The following JHY variants were observed in gnomAD, a reference collection of about 807,000 sequenced individuals.
The protein encoded by JHY is junctional cadherin complex regulator.
A neutral mutation model predicts 78.0 loss-of-function variants in JHY; 69 were observed. That is an observed-to-expected ratio of 0.88 (90% CI 0.73 to 1.08). The LOEUF is 1.08. Ranked by LOEUF, JHY falls within the 50% of genes least tolerant of loss-of-function variation. The pLI is 0.00. For missense variants in JHY, 944 were observed against 927.8 expected, an observed-to-expected ratio of 1.02 and a Z score of -0.23; for synonymous variants, 368 against 342.6, an observed-to-expected ratio of 1.07 and a Z score of -0.82.
rs768783808 is a variant in JHY at position 122,956,513 on chromosome 11, T to G, written c.1947T>G (p.Gly649=). The G allele has an allele frequency of 6.2e-7, 1 of 1,613,440 alleles. No homozygotes were observed. Among genetic ancestry groups the G allele is most frequent in the Non-Finnish European group, 8.5e-7 (1 of 1,179,642 alleles). ...ATTTTTAGAACACCAAGCTGAAAGG[T>G]TATCAGAAAAGAGACGTGAAGCTTG... is the stretch of plus-strand genomic sequence containing the variant. The part of the protein sequence containing the change: ...RSSSKNTKLK[G]YQKRDVKLGG... The change falls in exon 7 of 9, where the codon GGT becomes GGG. Residue 649 remains glycine, a synonymous_variant. Coordinates refer to ENST00000227349, the MANE Select transcript of JHY (RefSeq NM_024806.4).
chr11:122,924,463 A>C (rs1175826205), intron 3 of JHY, among the ~76,000 whole-genome samples: 1 of 152,232 alleles, frequency 6.6e-6, no homozygotes, highest in Non-Finnish European at 1.5e-5. Flanking sequence ...CTAAGGGCCT[A>C]GGACAGATGC....
At chr11:122,902,147 A>G (rs1268586809) in intron 2 of JHY, among the ~76,000 whole-genome samples, 1 of 146,702 alleles carries the variant, frequency 6.8e-6, no homozygotes, top group Non-Finnish European at 1.5e-5. Flanking sequence ...AGTGCACTCT[A>G]AAATAATGAT....
At chr11:122,900,780 T>G (rs527463298) in intron 2 of JHY, among the ~76,000 whole-genome samples, 1 of 152,156 alleles carries the variant, frequency 6.6e-6, no homozygotes, top group Non-Finnish European at 1.5e-5. Flanking sequence ...CTGGTCTGAT[T>G]TGAAGCCTCG....
At chr11:122,931,754 A>C (rs2135351209) in intron 4 of JHY, among the ~76,000 whole-genome samples, 1 of 152,320 alleles carries the variant, frequency 6.6e-6, no homozygotes, top group African/African-American at 2.4e-5. Context: ...TTGAGATCAG[A>C]GCAGGCATTG....
intron 6 of JHY, among the ~76,000 whole-genome samples, chr11:122,948,976 C>T (rs1457335823): frequency 1.3e-5 from 2 of 151,346 alleles, no homozygotes; most frequent in Non-Finnish European, 2.9e-5. Context: ...CCCAGCTACT[C>T]GGGAGGCTGA....
chr11:122,939,433 A>C (rs2135362952), intron 5 of JHY, among the ~76,000 whole-genome samples: 1 of 152,302 alleles, frequency 6.6e-6, no homozygotes, highest in Admixed American at 6.5e-5. Context: ...CCTGCTGCTA[A>C]CTTAGATTCC....
intron 5 of JHY, among the ~76,000 whole-genome samples, chr11:122,938,765 T>A (rs1863809262): frequency 6.6e-6 from 1 of 152,006 alleles, no homozygotes; most frequent in South Asian, 2.1e-4. Context: ...TGAGTGCCTA[T>A]AGAATGATCT....
chr11:122,944,724 A>G (rs1231410336), intron 5 of JHY, among the ~76,000 whole-genome samples: 2 of 152,170 alleles, frequency 1.3e-5, no homozygotes, highest in Non-Finnish European at 2.9e-5. Context: ...TTTAGCAAGT[A>G]TGGTAAATTT....
In JHY at chr11:122,957,281, T is replaced by C. The variant is rs190582022; in HGVS notation, c.2011-82T>C. 190 of 1,424,110 alleles carry C rather than the reference T, an allele frequency of 1.3e-4. No homozygotes were observed. In the East Asian group the frequency reaches 5.1e-3, roughly 38 times the overall value. The allele number at this position is 1,424,110 out of a possible 1,614,324, so 88.2% of individuals were successfully genotyped here. On this transcript the variant is annotated intron_variant, in intron 7 of 8. Transcript: ENST00000227349. The stretch of plus-strand genomic sequence containing the variant: ...AGCTGATAAGATACGCCCAGTATAC[T>C]GAAACCAGGGCATCGCTTTAAATAG...
At chr11:122,956,925 T>C (rs1864205005) in intron 7 of JHY, among the ~76,000 whole-genome samples, 1 of 152,128 alleles carries the variant, frequency 6.6e-6, no homozygotes. Context: ...GAGAAGACAC[T>C]TACGGGAAGA....
intron 2 of JHY, among the ~76,000 whole-genome samples, chr11:122,894,284 G>A (rs1862690286): frequency 6.6e-6 from 1 of 151,494 alleles, no homozygotes; most frequent in African/African-American, 2.4e-5. Flanking sequence ...TCCAGCCTGG[G>A]GACAGAGCAA....
rs932799996 is a variant in JHY, at chr11:122,959,658, T to C, written c.*213T>C. On this transcript the variant is annotated 3_prime_UTR_variant, in exon 9 of 9. Transcript: ENST00000227349. ...GGAAGAAAATTTTTTAAATTATTTA[T>C]TTTCAAATCAGTTAGAATTGGAGCT... is the stretch of plus-strand genomic sequence containing the variant. The C allele has an allele frequency of 5.8e-6, 3 of 521,690 alleles. No homozygotes were observed. Among genetic ancestry groups the C allele is most frequent in the East Asian group, 3.3e-5 (1 of 30,466 alleles). The allele number at this position is 521,690 out of a possible 1,614,324, so 32.3% of individuals were successfully genotyped here. A position where few individuals can be genotyped will look rare whatever the true frequency, so the allele number is the denominator to read the frequency against.
At chr11:122,916,966 T>G (rs1399473671) in intron 3 of JHY, among the ~76,000 whole-genome samples, 2 of 152,030 alleles carry the variant, frequency 1.3e-5, no homozygotes. Flanking sequence ...CCCCTAATCT[T>G]TTATAGTTCC....
chr11:122,904,014 A>C lies in JHY; in HGVS notation c.434A>C (p.Glu145Ala), dbSNP rs752501649. Residue 145 changes from glutamate (E) to alanine (A), a missense_variant, in exon 3 of 9, where the codon GAA (glutamate) becomes GCA (alanine). Glu to Ala is a moderately radical substitution (Grantham distance 107). Coordinates refer to ENST00000227349, the MANE Select transcript of JHY (RefSeq NM_024806.4). ...KKEEGQLLSV[E>A]ALPESTDSSL... is the part of the protein sequence containing the mutation. The stretch of plus-strand genomic sequence containing the variant: ...GAGGAAGGGCAGCTGCTGTCTGTGG[A>C]AGCGTTGCCGGAGTCCACGGACAGC... 11 of 1,614,176 alleles carry C rather than the reference A, an allele frequency of 6.8e-6. No homozygotes were observed. Among genetic ancestry groups the C allele is most frequent in the Non-Finnish European group, 9.3e-6 (11 of 1,180,028 alleles).
intron 2 of JHY, among the ~76,000 whole-genome samples, chr11:122,893,230 G>A (rs1862663650): frequency 6.6e-6 from 1 of 152,050 alleles, no homozygotes; most frequent in Non-Finnish European, 1.5e-5. Context: ...TTTTGTTGCA[G>A]GTATTAGTCA....
At chr11:122,927,977 C>T (rs1203899120) in intron 4 of JHY, among the ~76,000 whole-genome samples, 11 of 152,022 alleles carry the variant, frequency 7.2e-5, no homozygotes, top group Non-Finnish European at 1.5e-4. Flanking sequence ...GTGATCTGCC[C>T]GCCTGGGCCT....
intron 5 of JHY, among the ~76,000 whole-genome samples, chr11:122,938,259 C>T (rs559668439): frequency 1.3e-5 from 2 of 152,172 alleles, no homozygotes; most frequent in South Asian, 2.1e-4. Flanking sequence ...GATTCAGATG[C>T]GTTTTTCCAG....
At position 122,963,547 on chromosome 11, in the gene JHY, A is replaced by G. The variant is rs1864353937; in HGVS notation, c.*4102A>G. On this transcript the variant is annotated 3_prime_UTR_variant, in exon 9 of 9. Transcript: ENST00000227349. Reference sequence around the variant, plus strand: ...ATGTCACTAAACTACCATAAAACTAAGGGGAGAGATTTTGCAAAAACAGGG... The same window carrying G: ...ATGTCACTAAACTACCATAAAACTAGGGGGAGAGATTTTGCAAAAACAGGG... 6.6e-6 allele frequency among the ~76,000 whole-genome samples: 1 copy of G among 152,192 alleles called. No individual in the cohort carries two copies. Among genetic ancestry groups the G allele is most frequent in the African/African-American group, 2.4e-5 (1 of 41,464 alleles).
intron 2 of JHY, among the ~76,000 whole-genome samples, chr11:122,888,918 A>C (rs959822055): frequency 6.6e-6 from 1 of 152,152 alleles, no homozygotes; most frequent in African/African-American, 2.4e-5. Context: ...ATATTGATGA[A>C]TATTTAGTTT....
Sources: allele counts gnomAD v4.1 joint callset (sites outside exome capture counted in the v4.1 genomes callset), GRCh38; gene constraint gnomAD v4.1.1; transcripts MANE v1.5; gene names NCBI Gene and HGNC (gene_info 2026-07-23, HGNC 2026-07-21).